The following SVIL variants were observed in gnomAD, a reference collection of about 807,000 sequenced individuals.
The protein encoded by SVIL is supervillin, also known as archvillin.
Under a neutral mutation model 240.4 loss-of-function variants are expected in SVIL, and 101 were observed. The observed-to-expected ratio is 0.42, with a 90% CI of 0.36 to 0.50. The LOEUF (loss-of-function observed/expected upper bound fraction) is 0.50. Among genes scored for constraint, SVIL ranks in the 20% least tolerant of loss-of-function variants. The probability of loss-of-function intolerance (pLI) is 0.01; values close to 1 mark genes in which losing one functional copy is unlikely to be tolerated. For missense variants in SVIL, 2,512 were observed against 2,818.7 expected (o/e 0.89, Z 2.46); for synonymous variants, 999 against 1,100.0 (o/e 0.91, Z 1.82).
intron 22 of SVIL, among the ~76,000 whole-genome samples, chr10:29,490,457 G>A (rs1012148159): frequency 1.3e-4 from 20 of 151,968 alleles, no homozygotes; most frequent in African/African-American, 4.6e-4. Flanking sequence ...ACAAAACAGG[G>A]TAATTTGTAA....
intron 28 of SVIL, among the ~76,000 whole-genome samples, chr10:29,481,075 A>G (rs1163297015): frequency 6.6e-6 from 1 of 150,424 alleles, no homozygotes; most frequent in African/African-American, 2.5e-5. Context: ...TCAGATTAGA[A>G]TTGGAGGCCT....
At chr10:29,488,520 G>A in intron 23 of SVIL, 81 bp downstream of exon 23, 1 of 1,400,688 alleles carries the variant, frequency 7.1e-7, no homozygotes, top group Non-Finnish European at 9.3e-7. Context: ...CACAGGCAAT[G>A]AATTACAGAG....
At chr10:29,552,562 CAAAA>C (rs3031442) in intron 5 of SVIL, among the ~76,000 whole-genome samples, 1 of 82,418 alleles carries the variant, frequency 1.2e-5, no homozygotes, top group Non-Finnish European at 2.6e-5. Context: ...GACTCTGTCT[CAAAA>C]AAAAAAAAAA....
At chr10:29,521,787 C>T (rs1950575650) in intron 16 of SVIL, among the ~76,000 whole-genome samples, 1 of 152,164 alleles carries the variant, frequency 6.6e-6, no homozygotes, top group Non-Finnish European at 1.5e-5. Context: ...TTCCTCTGCA[C>T]CCTACGTCAT....
chr10:29,592,032 C>CT (rs1018850762), intron 1 of SVIL, among the ~76,000 whole-genome samples: 2 of 152,224 alleles, frequency 1.3e-5, no homozygotes, highest in Admixed American at 6.5e-5. Context: ...AGATGGATCA[C>CT]TTGAGGTCAG....
intron 1 of SVIL, among the ~76,000 whole-genome samples, chr10:29,589,204 T>C (rs1956289288): frequency 6.6e-6 from 1 of 152,210 alleles, no homozygotes; most frequent in Non-Finnish European, 1.5e-5. Flanking sequence ...GAAAGCAGCG[T>C]TGGGAAACGG....
intron 8 of SVIL, 135 bp from the exon 9 acceptor site, chr10:29,532,307 C>T (rs555639497): frequency 2.9e-4 from 360 of 1,249,778 alleles, no homozygotes; most frequent in Non-Finnish European, 3.6e-4. Context: ...CTACCATGCA[C>T]GTAAGGAAGG....
intron 1 of SVIL, among the ~76,000 whole-genome samples, chr10:29,633,131 G>A (rs1166928936): frequency 6.6e-6 from 1 of 151,964 alleles, no homozygotes; most frequent in African/African-American, 2.4e-5. Flanking sequence ...AGTTACTTGG[G>A]AGGTTGAGGC....
At chr10:29,570,658 A>G (rs986331844) in intron 1 of SVIL, among the ~76,000 whole-genome samples, 1 of 152,252 alleles carries the variant, frequency 6.6e-6, no homozygotes, top group African/African-American at 2.4e-5. Context: ...AAAATATTTT[A>G]GCTAAAGTGC....
intron 3 of SVIL, 118 bp from the exon 4 acceptor site, chr10:29,555,226 G>A (rs1198827153): frequency 1.9e-6 from 2 of 1,049,952 alleles, no homozygotes; most frequent in Non-Finnish European, 2.7e-6. Flanking sequence ...CTATGTCACA[G>A]TGACATGCAA....
intron 1 of SVIL, among the ~76,000 whole-genome samples, chr10:29,597,318 C>A (rs1472308278): frequency 6.6e-6 from 1 of 152,174 alleles, no homozygotes; most frequent in African/African-American, 2.4e-5. Context: ...AGAGGGCAGC[C>A]TATAAAGTCC....
At chr10:29,509,732 C>T (rs1176823255) in intron 17 of SVIL, among the ~76,000 whole-genome samples, 4 of 152,180 alleles carry the variant, frequency 2.6e-5, no homozygotes, top group East Asian at 1.9e-4. Flanking sequence ...TGCCTGTAAT[C>T]GCAGCTACTC....
At chr10:29,546,121 TAGTAGA>T (rs1952661450) in intron 6 of SVIL, among the ~76,000 whole-genome samples, 1 of 152,188 alleles carries the variant, frequency 6.6e-6, no homozygotes, top group Non-Finnish European at 1.5e-5. Context: ...GAATTTCTAG[TAGTAGA>T]AGCTCAAGCT....
intron 15 of SVIL, among the ~76,000 whole-genome samples, chr10:29,523,030 C>A (rs954769866): frequency 6.6e-6 from 1 of 152,174 alleles, no homozygotes; most frequent in African/African-American, 2.4e-5. Flanking sequence ...GAAGGGCCCA[C>A]GCAGTGTAGC....
intron 1 of SVIL, among the ~76,000 whole-genome samples, chr10:29,618,685 C>G (rs922925168): frequency 3.3e-5 from 5 of 152,136 alleles, no homozygotes; most frequent in Non-Finnish European, 7.3e-5. Flanking sequence ...CTGGACTACT[C>G]CTTTCCTTCC....
chr10:29,629,243 G>A (rs1333346812), intron 1 of SVIL, among the ~76,000 whole-genome samples: 1 of 152,074 alleles, frequency 6.6e-6, no homozygotes, highest in Non-Finnish European at 1.5e-5. Flanking sequence ...GCGGGAAGGG[G>A]TGGCATGAAA....
At chr10:29,714,821 A>T (rs568460278) in intron 1 of SVIL, among the ~76,000 whole-genome samples, 96 of 151,794 alleles carry the variant, frequency 6.3e-4, no homozygotes, top group African/African-American at 2.3e-3. Flanking sequence ...TTAGCTGGGC[A>T]TGGTGGCACA....
At chr10:29,611,324 T>A (rs1957234849) in intron 1 of SVIL, among the ~76,000 whole-genome samples, 2 of 152,042 alleles carry the variant, frequency 1.3e-5, no homozygotes, top group Non-Finnish European at 2.9e-5. Flanking sequence ...TTTAGAGGCT[T>A]GATCTGTTTT....
chr10:29,555,302 A>G (rs1953804820), intron 3 of SVIL, among the ~76,000 whole-genome samples, 194 bp from the exon 4 acceptor site: 1 of 143,766 alleles, frequency 7.0e-6, no homozygotes, highest in Non-Finnish European at 1.5e-5. Context: ...CCAAATGAAT[A>G]AGAGTGTGCA....
Sources: gnomAD v4.1 joint callset for allele counts (sites outside exome capture counted in the v4.1 genomes callset) on GRCh38, gnomAD v4.1.1 for gene constraint, MANE v1.5 for transcripts, NCBI Gene and HGNC (gene_info 2026-07-23, HGNC 2026-07-21) for gene names.